The following SGCD variants were observed in gnomAD, a reference collection of about 807,000 sequenced individuals.
SGCD encodes the protein sarcoglycan delta.
In SGCD, 18 loss-of-function variants were observed where a neutral mutation model predicts 36.6. That is an observed-to-expected ratio of 0.49 (90% confidence interval 0.34 to 0.73). The LOEUF is 0.73. Among genes scored for constraint, SGCD ranks in the 30% least tolerant of loss-of-function variants. The probability of loss-of-function intolerance (pLI) is 0.01; values close to 1 mark genes in which losing one functional copy is unlikely to be tolerated. For synonymous variants in SGCD, 133 were observed against 130.6 expected (o/e 1.02, Z -0.12); for missense variants, 387 against 346.7 (o/e 1.12, Z -0.92).
At chr5:156,084,965 C>T (rs528348593) in intron 1 of SGCD, among the ~76,000 whole-genome samples, 3 of 152,080 alleles carry the variant, frequency 2.0e-5, no homozygotes, top group South Asian at 2.1e-4. Flanking sequence ...TTTCTTCATT[C>T]GCTTGTTGAT....
chr5:156,642,453 G>A (rs988965808), intron 6 of SGCD, among the ~76,000 whole-genome samples: 42 of 144,062 alleles, frequency 2.9e-4, no homozygotes, highest in Non-Finnish European at 5.5e-4. Flanking sequence ...TGGCCTAGCA[G>A]CATCAGTCTT....
rs891121773 is a variant in SGCD at position 156,069,305 on chromosome 5, G to A, written c.-281-48573G>A. ...CATCTTGAATTAATTTTTGTATAAG[G>A]TGTAGGGAAGGGATCCATTTTCAGC... On this transcript the variant is annotated intron_variant, in intron 1 of 9. Coordinates refer to the SGCD transcript ENST00000517913. Among the ~76,000 whole-genome samples, 3 of 152,074 alleles carry A rather than the reference G, an allele frequency of 2.0e-5. No homozygotes were observed. The East Asian group carries it at 5.8e-4, about 29-fold the overall frequency.
intron 3 of SGCD, among the ~76,000 whole-genome samples, chr5:156,383,695 G>A (rs1304062510): frequency 1.3e-5 from 2 of 152,216 alleles, no homozygotes; most frequent in Non-Finnish European, 2.9e-5. Flanking sequence ...GCCCATAATG[G>A]AGAACATACA....
intron 1 of SGCD, among the ~76,000 whole-genome samples, chr5:155,904,522 T>C (rs917024738): frequency 1.3e-5 from 2 of 152,232 alleles, no homozygotes; most frequent in Non-Finnish European, 2.9e-5. Context: ...TCGTATGTTT[T>C]ATTTTAAAAT....
At chr5:155,764,744 T>A in the SGCD span, among the ~76,000 whole-genome samples, 1 of 151,944 alleles carries the variant, frequency 6.6e-6, no homozygotes, top group South Asian at 2.1e-4. Context: ...CTGTAAAAAA[T>A]TGACACCATC....
intron 3 of SGCD, among the ~76,000 whole-genome samples, chr5:156,278,408 A>T (rs1333453599): frequency 6.6e-6 from 1 of 152,156 alleles, no homozygotes; most frequent in Non-Finnish European, 1.5e-5. Context: ...GACACAAGGA[A>T]ATTACTTGGA....
intron 2 of SGCD, among the ~76,000 whole-genome samples, chr5:156,331,464 G>A (rs1413885303): frequency 6.6e-6 from 1 of 152,168 alleles, no homozygotes; most frequent in Non-Finnish European, 1.5e-5. Flanking sequence ...ATGTGTAGGA[G>A]GATATGGATG....
At chr5:155,844,456 T>TGTGTGTGTGTGTGTGTGTGTG in the SGCD span, among the ~76,000 whole-genome samples, 1 of 148,192 alleles carries the variant, frequency 6.7e-6, no homozygotes, top group East Asian at 2.0e-4. Context: ...TGTGTGTGTG[T>TGTGTGTGTGTGTGTGTGTGTG]TATAAACAAG....
intron 3 of SGCD, among the ~76,000 whole-genome samples, chr5:156,407,553 G>C (rs965238640): frequency 6.6e-6 from 1 of 152,050 alleles, no homozygotes. Context: ...ATTTTTAAAA[G>C]ACATTGCCAA....
chr5:156,350,297 AG>A (rs1769183572), intron 3 of SGCD, among the ~76,000 whole-genome samples: 1 of 147,734 alleles, frequency 6.8e-6, no homozygotes, highest in Admixed American at 6.7e-5. Flanking sequence ...ACATTTATGT[AG>A]GAAAGAGTGA....
intron 4 of SGCD, among the ~76,000 whole-genome samples, chr5:156,525,946 T>C (rs1757625569): frequency 6.6e-6 from 1 of 152,156 alleles, no homozygotes; most frequent in South Asian, 2.1e-4. Context: ...ATGTGTCTGT[T>C]TTTTGTTTGT....
intron 3 of SGCD, among the ~76,000 whole-genome samples, chr5:156,487,788 C>CAAAAAAAAAAAAAA (rs56006984): frequency 1.7e-4 from 7 of 41,384 alleles, no homozygotes; most frequent in Non-Finnish European, 3.3e-4. Flanking sequence ...ACTCTGTCAC[C>CAAAAAAAAAAAAAA]AAAAAAAAAA....
chr5:155,947,693 G>C (rs547627578), intron 1 of SGCD, among the ~76,000 whole-genome samples: 1 of 152,186 alleles, frequency 6.6e-6, no homozygotes, highest in South Asian at 2.1e-4. Flanking sequence ...GTAAGTTAAA[G>C]AACAAGCATG....
intron 3 of SGCD, among the ~76,000 whole-genome samples, chr5:156,173,049 C>T (rs1763379959): frequency 6.6e-6 from 1 of 151,874 alleles, no homozygotes; most frequent in South Asian, 2.1e-4. Flanking sequence ...GTCCTGTTTA[C>T]TTGAGTTGTA....
chr5:155,904,742 T>G (rs1756465192), intron 1 of SGCD, among the ~76,000 whole-genome samples: 1 of 152,166 alleles, frequency 6.6e-6, no homozygotes, highest in African/African-American at 2.4e-5. Flanking sequence ...AAAATACAAC[T>G]GTAATCTCAA....
At chr5:155,728,844 T>C in the SGCD span, among the ~76,000 whole-genome samples, 1 of 152,152 alleles carries the variant, frequency 6.6e-6, no homozygotes, top group Non-Finnish European at 1.5e-5. Context: ...TCGCCACCCA[T>C]GGGATCGACT....
In SGCD at chr5:156,183,299, A is replaced by G. The variant is rs369488554; in HGVS notation, c.-44+59280A>G. Among the ~76,000 whole-genome samples the G allele has an allele frequency of 7.2e-5, 11 of 152,366 alleles. 1 individual carries two copies. In the East Asian group the frequency reaches 2.1e-3, roughly 29 times the overall value. On this transcript the variant is annotated intron_variant, in intron 3 of 9. Transcript: ENST00000517913. Reference sequence around the variant, plus strand: ...AGAATTAAAGAGGCAAATAGTTTCAAGAAAAGCAAAAAGTTGAAAATAGGA... The same window carrying G: ...AGAATTAAAGAGGCAAATAGTTTCAGGAAAAGCAAAAAGTTGAAAATAGGA...
At chr5:156,052,082 G>A (rs1759932534) in intron 1 of SGCD, among the ~76,000 whole-genome samples, 1 of 146,244 alleles carries the variant, frequency 6.8e-6, no homozygotes, top group South Asian at 2.2e-4. Flanking sequence ...GGGGAAACAG[G>A]GATCCTCCAT....
At chr5:156,486,498 A>C (rs896597414) in intron 3 of SGCD, among the ~76,000 whole-genome samples, 1 of 151,846 alleles carries the variant, frequency 6.6e-6, no homozygotes, top group Non-Finnish European at 1.5e-5. Context: ...AAACCTGAGG[A>C]TCTCCTCTGC....
Sources: gnomAD v4.1 joint callset for allele counts (sites outside exome capture counted in the v4.1 genomes callset) on GRCh38, gnomAD v4.1.1 for gene constraint, MANE v1.5 for transcripts, NCBI Gene and HGNC (gene_info 2026-07-23, HGNC 2026-07-21) for gene names.